Variants in KLHDC4 observed in about 807,000 individuals in gnomAD.
KLHDC4 encodes kelch domain containing 4, also known as kelch domain-containing protein 4.
In KLHDC4, 90 loss-of-function variants were observed where a neutral mutation model predicts 62.4. The ratio of observed to expected loss-of-function variants is 1.44; its 90% CI spans 1.22 to 1.72. The LOEUF (loss-of-function observed/expected upper bound fraction) is 1.72. Among genes scored for constraint, KLHDC4 ranks in the 40% most tolerant of loss-of-function variants. KLHDC4 has a pLI of 0.00. For missense variants in KLHDC4, 1,025 were observed against 699.7 expected (o/e 1.47, Z -5.25); for synonymous variants, 386 against 284.4 (o/e 1.36, Z -3.59).
At chr16:87,723,171 C>A (rs548627978) in intron 7 of KLHDC4, among the ~76,000 whole-genome samples, 1 of 152,222 alleles carries the variant, frequency 6.6e-6, no homozygotes, top group Non-Finnish European at 1.5e-5. Flanking sequence ...TCAGCCATGG[C>A]GCAGCTGACC....
At chr16:87,705,863 A>G (rs2034607637), downstream of KLHDC4, among the ~76,000 whole-genome samples, 1 of 152,202 alleles carries the variant, frequency 6.6e-6, no homozygotes, top group Non-Finnish European at 1.5e-5. Context: ...TCTTCCAACC[A>G]GCTTAGCTGA....
At chr16:87,752,777 C>G (rs1457865776) in intron 4 of KLHDC4, among the ~76,000 whole-genome samples, 1 of 152,072 alleles carries the variant, frequency 6.6e-6, no homozygotes, top group Non-Finnish European at 1.5e-5. Flanking sequence ...TAATGAACAC[C>G]AGGGAAAAAA....
intron 2 of KLHDC4, among the ~76,000 whole-genome samples, chr16:87,758,547 G>C (rs2045357803): frequency 6.6e-6 from 1 of 152,160 alleles, no homozygotes; most frequent in Non-Finnish European, 1.5e-5. Context: ...GGCTGGGGGA[G>C]GGGAAACAGG....
At chr16:87,755,506 G>C (rs1204106092) in intron 3 of KLHDC4, 4 of 434,658 alleles carry the variant, frequency 9.2e-6, no homozygotes, top group Admixed American at 3.8e-5. Context: ...CATCAATCTG[G>C]AAGGTACTGA....
downstream of KLHDC4, among the ~76,000 whole-genome samples, chr16:87,704,587 T>G (rs1017032711): frequency 2.0e-4 from 26 of 131,762 alleles, no homozygotes; most frequent in Non-Finnish European, 3.9e-4. Flanking sequence ...GTCCTGAACG[T>G]CACGGAGAAG....
chr16:87,725,050 G>A lies in KLHDC4; in HGVS notation c.759+1715C>T, dbSNP rs541126908. ...CAATGAACAGAAACATGCAACACGT[G>A]GGTCTGAAAAGCTGAGGGAAAGAAG... On this transcript the variant is annotated intron_variant, in intron 7 of 11. Coordinates refer to ENST00000270583, the MANE Select transcript of KLHDC4 (RefSeq NM_017566.4). 2.6e-5 allele frequency among the ~76,000 whole-genome samples: 4 copies of A among 152,062 alleles called. No individual in the cohort carries two copies. In the South Asian group the frequency reaches 8.3e-4, roughly 32 times the overall value.
chr16:87,764,148 A>T (rs1304573962), intron 1 of KLHDC4, among the ~76,000 whole-genome samples: 1 of 152,232 alleles, frequency 6.6e-6, no homozygotes. Context: ...ATTAGGTTGT[A>T]TTACAGACAC....
At chr16:87,739,299 ACAC>A (rs1406537100) in intron 5 of KLHDC4, among the ~76,000 whole-genome samples, 8 of 137,386 alleles carry the variant, frequency 5.8e-5, no homozygotes, top group Non-Finnish European at 9.5e-5. Flanking sequence ...TCATCCATCC[ACAC>A]ACCAGCACCT....
At chr16:87,702,404 G>C (rs1331721713) in exon 1 of KLHDC4, 3 of 381,578 alleles carry the variant, frequency 7.9e-6, no homozygotes, top group Non-Finnish European at 1.6e-5. Context: ...GGCCCGTCCT[G>C]CACCCCCAGC....
At chr16:87,702,023 G>C (rs1047361674) in exon 1 of KLHDC4, 1 of 456,308 alleles carries the variant, frequency 2.2e-6, no homozygotes, top group East Asian at 7.0e-5. Flanking sequence ...GCTCCTTACA[G>C]AGGCTAACGC....
rs755301435 is a variant in KLHDC4, at chr16:87,726,752, C to T, written c.759+13G>A. The T allele has an allele frequency of 8.5e-6, 13 of 1,524,630 alleles. No individual in the cohort carries two copies. Among genetic ancestry groups the T allele is most frequent in the African/African-American group, 2.9e-5 (2 of 69,916 alleles). The allele number at this position is 1,524,630 out of a possible 1,614,324, so 94.4% of individuals were successfully genotyped here. The stretch of plus-strand genomic sequence containing the variant: ...GTCCCACGCCTTGCCTGTTTCCCCA[C>T]CCCCCGCCTTACCTGTTTCGAGTAG... On this transcript the variant is annotated intron_variant, in intron 7 of 11. Transcript: ENST00000270583.
intron 8 of KLHDC4, among the ~76,000 whole-genome samples, chr16:87,713,016 G>A (rs947258122): frequency 5.9e-5 from 9 of 152,196 alleles, no homozygotes; most frequent in Admixed American, 1.3e-4. Flanking sequence ...CAGAACAAAT[G>A]CCATTGTCTC....
chr16:87,712,612 T>C (rs1247870746), intron 8 of KLHDC4, among the ~76,000 whole-genome samples: 1 of 152,230 alleles, frequency 6.6e-6, no homozygotes, highest in Non-Finnish European at 1.5e-5. Flanking sequence ...GGAAAGTGAC[T>C]GAAAGAAGGC....
Position 87,720,226 on chromosome 16 carries a change from T to C in KLHDC4, c.760-5653A>G, listed in dbSNP as rs369921372. Among the ~76,000 whole-genome samples the C allele has an allele frequency of 3.3e-5, 5 of 152,042 alleles. No homozygotes were observed. The East Asian group carries it at 5.8e-4, about 18-fold the overall frequency. ...TAGGTAGATAAAGGCCGGGGAGCGT[T>C]TGTGGGAGAAGACGGCCAGACGACT... On this transcript the variant is annotated intron_variant, in intron 7 of 11. Coordinates refer to ENST00000270583, the MANE Select transcript of KLHDC4 (RefSeq NM_017566.4).
At chr16:87,751,516 A>G (rs748365985) in intron 4 of KLHDC4, among the ~76,000 whole-genome samples, 1 of 152,196 alleles carries the variant, frequency 6.6e-6, no homozygotes, top group Non-Finnish European at 1.5e-5. Flanking sequence ...TGCAGAGAAA[A>G]CATGCAGAAA....
At chr16:87,731,628 T>C (rs1249362498) in intron 5 of KLHDC4, among the ~76,000 whole-genome samples, 4 of 149,184 alleles carry the variant, frequency 2.7e-5, no homozygotes, top group Non-Finnish European at 5.9e-5. Flanking sequence ...GCTGGAGCCA[T>C]GGCACCGGTG....
At chr16:87,756,062 G>C (rs1029417995) in intron 3 of KLHDC4, 2 of 199,872 alleles carry the variant, frequency 1.0e-5, no homozygotes, top group Non-Finnish European at 2.1e-5. Flanking sequence ...CCGTGTTTAA[G>C]ACAACCTGAA....
downstream of KLHDC4, among the ~76,000 whole-genome samples, chr16:87,707,185 T>A (rs2034837158): frequency 6.6e-6 from 1 of 152,214 alleles, no homozygotes; most frequent in Non-Finnish European, 1.5e-5. Context: ...GGAGCAGGCC[T>A]AGGTTGGGAG....
intron 7 of KLHDC4, among the ~76,000 whole-genome samples, chr16:87,724,859 C>T (rs1431327793): frequency 2.6e-5 from 4 of 152,194 alleles, no homozygotes; most frequent in South Asian, 2.1e-4. Context: ...AACCAACACA[C>T]GCAGCCACTC....
Sources: allele counts gnomAD v4.1 joint callset (sites outside exome capture counted in the v4.1 genomes callset), GRCh38; gene constraint gnomAD v4.1.1; transcripts MANE v1.5; gene names NCBI Gene and HGNC (gene_info 2026-07-23, HGNC 2026-07-21).